Variants in IL1R2 observed in about 807,000 individuals in gnomAD.
The protein encoded by IL1R2 is interleukin-1 receptor type 2.
IL1R2 carries 46 observed loss-of-function variants against 39.5 expected under a neutral mutation model. The observed-to-expected ratio is 1.16, with a 90% CI of 0.92 to 1.49. The LOEUF (loss-of-function observed/expected upper bound fraction) is 1.49. Among genes scored for constraint, IL1R2 ranks in the 40% most tolerant of loss-of-function variants. IL1R2 has a pLI of 0.00. For synonymous variants in IL1R2, 207 were observed against 189.6 expected (o/e 1.09, Z -0.75); for missense variants, 537 against 502.0 (o/e 1.07, Z -0.67).
At chr2:102,015,540 C>T (rs573476907) in intron 3 of IL1R2, among the ~76,000 whole-genome samples, 3 of 152,314 alleles carry the variant, frequency 2.0e-5, no homozygotes, top group African/African-American at 7.2e-5. Flanking sequence ...TTAGCCTAGT[C>T]TTCCTTAAAT....
intron 5 of IL1R2, among the ~76,000 whole-genome samples, chr2:102,020,969 G>C (rs1198952313): frequency 6.6e-6 from 1 of 152,168 alleles, no homozygotes; most frequent in Non-Finnish European, 1.5e-5. Context: ...GCTGTCATCT[G>C]TGTCTCACAA....
intron 3 of IL1R2, among the ~76,000 whole-genome samples, chr2:102,013,550 AAAGGAAAGAAAGAAAAGAAAAGAAGG>A (rs1676778646): frequency 1.1e-4 from 14 of 133,230 alleles, no homozygotes; most frequent in Middle Eastern, 3.7e-3. Context: ...AAAAAAAAAA[AAAGGAAAGAAAGAAAAGAAAAGAAGG>A]AAAAGAAAAA....
Position 102,006,226 on chromosome 2 carries a change from T to C in IL1R2, c.-61-2289T>C, listed in dbSNP as rs78485274. ...GTTGGGGATGTGATAAGCTAATGCG[T>C]GTCCAAGGAGGACACAGCAGCTTGG... is the stretch of plus-strand genomic sequence containing the variant. On this transcript the variant is annotated intron_variant, in intron 1 of 8. Transcript: ENST00000332549. Among the ~76,000 whole-genome samples, 924 of 152,230 alleles carry C rather than the reference T, an allele frequency of 6.1e-3. 27 individuals carry two copies. The East Asian group carries it at 0.071, about 12-fold the overall frequency.
chr2:102,020,109 C>G (rs2150453367), intron 5 of IL1R2, among the ~76,000 whole-genome samples: 1 of 152,244 alleles, frequency 6.6e-6, no homozygotes, highest in East Asian at 1.9e-4. Flanking sequence ...TAGAAGGTAC[C>G]CTTGGAAAGT....
At chr2:102,007,360 A>G (rs867598532) in intron 1 of IL1R2, among the ~76,000 whole-genome samples, 17 of 152,190 alleles carry the variant, frequency 1.1e-4, no homozygotes, top group African/African-American at 3.4e-4. Context: ...CTCTTGGCGC[A>G]TGTCAGAGTT....
intron 1 of IL1R2, among the ~76,000 whole-genome samples, chr2:101,992,815 G>A (rs552589900): frequency 6.6e-6 from 1 of 152,278 alleles, no homozygotes; most frequent in Admixed American, 6.5e-5. Context: ...CATTTCTGGT[G>A]GAGGCTCAGG....
chr2:102,023,918 C>T (rs981492727), intron 6 of IL1R2, among the ~76,000 whole-genome samples: 3 of 152,100 alleles, frequency 2.0e-5, no homozygotes, highest in African/African-American at 7.2e-5. Flanking sequence ...GGCGTGGTGG[C>T]GGGTGCCCGG....
At chr2:102,015,444 G>T (rs1335726063) in intron 3 of IL1R2, among the ~76,000 whole-genome samples, 1 of 152,156 alleles carries the variant, frequency 6.6e-6, no homozygotes, top group African/African-American at 2.4e-5. Flanking sequence ...TTACAATGGG[G>T]TAAATACCAA....
At chr2:102,021,144 C>A (rs1329951093) in intron 5 of IL1R2, among the ~76,000 whole-genome samples, 2 of 152,122 alleles carry the variant, frequency 1.3e-5, no homozygotes, top group Non-Finnish European at 2.9e-5. Flanking sequence ...CTCAGGCTGT[C>A]CTGCCATGCT....
At chr2:102,024,416 A>G (rs1441665257) in intron 6 of IL1R2, 117 bp from the exon 7 acceptor site, 1 of 722,248 alleles carries the variant, frequency 1.4e-6, no homozygotes, top group Non-Finnish European at 2.5e-6. Flanking sequence ...TCTACCAAGG[A>G]AAGAATTGGG....
intron 1 of IL1R2, among the ~76,000 whole-genome samples, chr2:102,007,796 T>C (rs1477358071): frequency 2.0e-5 from 3 of 152,262 alleles, no homozygotes; most frequent in Admixed American, 6.5e-5. Flanking sequence ...TAGTCAATTA[T>C]ATTCCTCTTA....
rs923439654 is a variant in IL1R2 at position 102,016,022 on chromosome 2, A to C, written c.484A>C (p.Lys162Gln). The C allele has an allele frequency of 3.7e-6, 6 of 1,613,802 alleles. No homozygotes were observed. The African/African-American group carries it at 6.7e-5, about 18-fold the overall frequency. The change falls in exon 4 of 9, where the codon AAA (lysine) becomes CAA (glutamine). Residue 162 changes from lysine (K) to glutamine (Q), a missense_variant. By Grantham distance (53) the Lys-to-Gln change is moderately conservative. Coordinates refer to ENST00000332549, the MANE Select transcript of IL1R2 (RefSeq NM_004633.4). ...TGACCTGAGTGAATTCACCCGTGACAAAACTGACGTGAAGATTCAATGGTA... is the reference window on the plus strand; with the variant it reads ...TGACCTGAGTGAATTCACCCGTGACCAAACTGACGTGAAGATTCAATGGTA... Reference protein sequence around the residue: ...CPDLSEFTRDKTDVKIQWYKD... With the variant: ...CPDLSEFTRDQTDVKIQWYKD...
intron 1 of IL1R2, among the ~76,000 whole-genome samples, chr2:102,002,828 C>CTGTCTG (rs1213006658): frequency 1.4e-4 from 1 of 7,382 alleles, no homozygotes; most frequent in Non-Finnish European, 5.7e-4. Flanking sequence ...GTCTTTGTCC[C>CTGTCTG]TGTCTGTGTC....
chr2:102,020,282 G>T (rs1377540301), intron 5 of IL1R2, among the ~76,000 whole-genome samples: 1 of 152,222 alleles, frequency 6.6e-6, no homozygotes, highest in African/African-American at 2.4e-5. Context: ...GGTGGGTCTA[G>T]CTGCCCTTAA....
At chr2:102,008,473 AG>A (rs1676399488) in intron 1 of IL1R2, 41 bp from the exon 2 acceptor site, 2 of 861,100 alleles carry the variant, frequency 2.3e-6, no homozygotes, top group Non-Finnish European at 4.0e-6. Flanking sequence ...TTCTCTCTGC[AG>A]GGTTCTTGGT....
At chr2:102,007,751 C>A (rs1676355153) in intron 1 of IL1R2, among the ~76,000 whole-genome samples, 1 of 152,174 alleles carries the variant, frequency 6.6e-6, no homozygotes, top group South Asian at 2.1e-4. Context: ...ATTACTGAAT[C>A]CATGTGTTGC....
chr2:102,020,659 T>C (rs181743893), intron 5 of IL1R2, among the ~76,000 whole-genome samples: 132 of 152,308 alleles, frequency 8.7e-4, no homozygotes, highest in Middle Eastern at 3.4e-3. Context: ...GGTGTCCTGA[T>C]TGTGTTTGTT....
intron 1 of IL1R2, among the ~76,000 whole-genome samples, chr2:102,002,272 A>G (rs1229824050): frequency 6.6e-6 from 1 of 151,554 alleles, no homozygotes; most frequent in Admixed American, 6.6e-5. Flanking sequence ...AAATATGTCT[A>G]TGTCTATGTC....
chr2:102,009,600 A>G lies in IL1R2; in HGVS notation c.106A>G (p.Lys36Glu), dbSNP rs1676486135. The change falls in exon 3 of 9, where the codon AAG (lysine) becomes GAG (glutamate). Residue 36 changes from lysine to glutamate, a missense_variant. Transcript: ENST00000332549. ...RSCRFRGRHY[K>E]REFRLEGEPV... ...CTGCCGGTTTCGTGGGAGGCATTAC[A>G]AGCGGGAGTTCAGGCTGGAAGGGGA... The G allele has an allele frequency of 1.2e-6, 2 of 1,614,026 alleles. No homozygotes were observed. Among genetic ancestry groups the G allele is most frequent in the Admixed American group, 1.7e-5 (1 of 60,002 alleles).
Sources: gnomAD v4.1 joint callset for allele counts (sites outside exome capture counted in the v4.1 genomes callset) on GRCh38, gnomAD v4.1.1 for gene constraint, MANE v1.5 for transcripts, NCBI Gene and HGNC (gene_info 2026-07-23, HGNC 2026-07-21) for gene names.